IL32: variants seen among roughly 807,000 people sequenced by gnomAD.
IL32 encodes the protein interleukin-32.
A neutral mutation model predicts 16.6 loss-of-function variants in IL32; 30 were observed. The ratio of observed to expected loss-of-function variants is 1.81; its 90% CI spans 1.35 to 2.45. The LOEUF (loss-of-function observed/expected upper bound fraction) is 2.45. Ranked by LOEUF, IL32 falls within the 30% of genes most tolerant of loss-of-function variation. IL32 has a pLI of 0.00. For synonymous variants in IL32, 70 were observed against 86.1 expected (o/e 0.81, Z 1.03); for missense variants, 234 against 229.8 (o/e 1.02, Z -0.12).
upstream of IL32, chr16:3,065,549 C>T: frequency 1.7e-6 from 1 of 591,900 alleles, no homozygotes; most frequent in South Asian, 2.0e-5. Context: ...GTCTGTTTTT[C>T]ACGCACTCAG....
chr16:3,067,774 TG>T (rs1956560990), intron 4 of IL32, 161 bp downstream of exon 4: 3 of 807,824 alleles, frequency 3.7e-6, no homozygotes, highest in African/African-American at 1.7e-5. Flanking sequence ...AGTGGGCGGG[TG>T]GGGGATCTGG....
intron 2 of IL32, 84 bp from the exon 3 acceptor site, chr16:3,067,271 CTGTGTGTGTGTGTGTGTGTGTG>C (rs60859102): frequency 6.6e-5 from 40 of 603,656 alleles, no homozygotes; most frequent in Middle Eastern, 4.3e-4. Flanking sequence ...CCATGTGTCT[CTGTGTGTGTGTGTGTGTGTGTG>C]TGTGTGTGTG....
chr16:3,068,586 C>T (rs557854873), intron 6 of IL32: 24 of 411,020 alleles, frequency 5.8e-5, no homozygotes, highest in Non-Finnish European at 1.0e-4. Flanking sequence ...GCTGAGATTA[C>T]AGGCATGAGC....
chr16:3,069,331 C>A lies in IL32; in HGVS notation c.543C>A (p.Cys181Ter). 6.2e-7 allele frequency: 1 copy of A among 1,602,508 alleles called. No homozygotes were observed. The highest frequency in any genetic ancestry group is 8.5e-7 in the Non-Finnish European group (1 of 1,174,298). Residue 181 changes from cysteine to a stop codon, truncating the protein, a stop_gained, in exon 7 of 7, where the codon TGC (cysteine) becomes TGA (stop). Coordinates refer to ENST00000525643, the MANE Select transcript of IL32 (RefSeq NM_001376923.1). LOFTEE classifies it high-confidence loss of function. The part of the protein sequence containing the change: ...GDKEELTPQK[C>*]SEPQSSK ...AGGAGGAGCTGACACCCCAGAAGTG[C>A]TCTGAACCCCAATCCTCAAAATGAA... is the stretch of plus-strand genomic sequence containing the variant.
In IL32 at chr16:3,065,673, G is replaced by A; in HGVS notation, c.-43G>A. 1.2e-6 allele frequency: 1 copy of A among 847,794 alleles called. No individual in the cohort carries two copies. The highest frequency in any genetic ancestry group is 2.1e-6 in the Non-Finnish European group (1 of 486,740). The allele number at this position is 847,794 out of a possible 1,614,324, so 52.5% of individuals were successfully genotyped here. A position where few individuals can be genotyped will look rare whatever the true frequency, so the allele number is the denominator to read the frequency against. ...TGCAGAAGGTGACTGTCTCAGTGGA[G>A]CTGGGTCATCTCAGGTGGGGAGTTG... On this transcript the variant is annotated 5_prime_UTR_variant, in exon 1 of 7. Transcript: ENST00000525643.
chr16:3,068,040 T>A (rs749393594), intron 5 of IL32, 30 bp downstream of exon 5: 2 of 1,613,744 alleles, frequency 1.2e-6, no homozygotes, highest in South Asian at 2.2e-5. Flanking sequence ...TCCACCAAGC[T>A]TAGTCCCTGG....
In IL32 at chr16:3,069,302, G is replaced by A. The variant is rs141220342; in HGVS notation, c.514G>A (p.Asp172Asn). The A allele has an allele frequency of 3.6e-5, 58 of 1,613,748 alleles. No individual in the cohort carries two copies. Among genetic ancestry groups the A allele is most frequent in the Non-Finnish European group, 4.5e-5 (53 of 1,179,910 alleles). ...CCAGTCCTACGGAGCCCCACGGGGG[G>A]ACAAGGAGGAGCTGACACCCCAGAA... ...SFQSYGAPRG[D>N]KEELTPQKCS... Residue 172 changes from aspartate (D) to asparagine (N), a missense_variant, in exon 7 of 7, where the codon GAC becomes AAC. Physicochemically the swap from Asp to Asn is conservative, Grantham distance 23 (BLOSUM62 1). Coordinates refer to ENST00000525643, the MANE Select transcript of IL32 (RefSeq NM_001376923.1).
Position 3,068,020 on chromosome 16 carries a change from G to C in IL32, c.141+10G>C. 6.2e-7 allele frequency: 1 copy of C among 1,613,824 alleles called. No homozygotes were observed. The highest frequency in any genetic ancestry group is 8.5e-7 in the Non-Finnish European group (1 of 1,179,768). On this transcript the variant is annotated intron_variant, in intron 5 of 6. Coordinates refer to ENST00000525643, the MANE Select transcript of IL32 (RefSeq NM_001376923.1). ...CCTGGCAGAGCTGGAGGTGAGCCGT[G>C]GCCTCCCCCTCCACCAAGCTTAGTC...
rs770405203 is a variant in IL32, at chr16:3,065,824, A to G, written c.13A>G (p.Lys5Glu). 7.4e-6 allele frequency: 12 copies of G among 1,614,000 alleles called. 1 individual carries two copies. In the South Asian group the frequency reaches 1.3e-4, roughly 18 times the overall value. Residue 5 changes from lysine to glutamate, a missense_variant and splice_region_variant, in exon 2 of 7, where the codon AAG (lysine) becomes GAG (glutamate). By Grantham distance (56) the Lys-to-Glu change is moderately conservative (BLOSUM62 1). Transcript: ENST00000525643. ...ACTTTTGGCCGCCATGTGCTTCCCG[A>G]AGGTGAGTGAGAGGCTGCGTGTGCT... is the stretch of plus-strand genomic sequence containing the variant. MCFP[K>E]VLSDDMKKLK...
In IL32 at chr16:3,067,305, G is replaced by GTGTGTGTGTGTC. The variant is rs1234019073; in HGVS notation, c.16-67_16-66insGTGTGTCTGTGT. 4.2e-6 allele frequency: 3 copies of GTGTGTGTGTGTC among 722,204 alleles called. No homozygotes were observed. In the African/African-American group the frequency reaches 5.7e-5, roughly 14 times the overall value. The allele number at this position is 722,204 out of a possible 1,614,324, so 44.7% of individuals were successfully genotyped here. ...TGTGTGTGTGTGTGTGTGTGTGTGT[G>GTGTGTGTGTGTC]TGTGTATAAATTATCCTGGAGGAAA... On this transcript the variant is annotated intron_variant, in intron 2 of 6. Coordinates refer to ENST00000525643, the MANE Select transcript of IL32 (RefSeq NM_001376923.1).
At chr16:3,068,310 C>G in intron 6 of IL32, 71 bp downstream of exon 6, 1 of 1,381,418 alleles carries the variant, frequency 7.2e-7, no homozygotes, top group East Asian at 2.5e-5. Context: ...TTCTTTCTTT[C>G]TTTTTGTTTA....
In IL32 at chr16:3,067,289, G is replaced by GTGTGTGTGTCTC. The variant is rs796776821; in HGVS notation, c.16-79_16-78insCTCTGTGTGTGT. On this transcript the variant is annotated intron_variant, in intron 2 of 6. Coordinates refer to ENST00000525643, the MANE Select transcript of IL32 (RefSeq NM_001376923.1). ...TGTGTCTCTGTGTGTGTGTGTGTGT[G>GTGTGTGTGTCTC]TGTGTGTGTGTGTGTGTGTGTATAA... is the stretch of plus-strand genomic sequence containing the variant. 991 of 559,142 alleles carry GTGTGTGTGTCTC rather than the reference G, an allele frequency of 1.8e-3. 4 individuals carry two copies. The East Asian group carries it at 0.023, about 13-fold the overall frequency. 34.6% of individuals were successfully genotyped at this position (559,142 alleles called of 1,614,324 possible). A position where few individuals can be genotyped will look rare whatever the true frequency, so the allele number is the denominator to read the frequency against.
At chr16:3,067,666 T>G (rs541927223) in intron 4 of IL32, 53 bp downstream of exon 4, 20 of 1,346,792 alleles carry the variant, frequency 1.5e-5, no homozygotes, top group Non-Finnish European at 2.0e-5. Flanking sequence ...CCCCAGGCAC[T>G]CCACCCTGTG....
rs1956477853 is a variant in IL32 at position 3,067,289 on chromosome 16, G to GTGTGTGTGTGTGTGTGTGTGTGTGTCTC, written c.16-67_16-66insGTGTCTCTGTGTGTGTGTGTGTGTGTGT. On this transcript the variant is annotated intron_variant, in intron 2 of 6. Coordinates refer to ENST00000525643, the MANE Select transcript of IL32 (RefSeq NM_001376923.1). ...TGTGTCTCTGTGTGTGTGTGTGTGT[G>GTGTGTGTGTGTGTGTGTGTGTGTGTCTC]TGTGTGTGTGTGTGTGTGTGTATAA... 4 of 559,188 alleles carry GTGTGTGTGTGTGTGTGTGTGTGTGTCTC rather than the reference G, an allele frequency of 7.2e-6. No homozygotes were observed. In the East Asian group the frequency reaches 1.2e-4, roughly 17 times the overall value. The allele number at this position is 559,188 out of a possible 1,614,324, so 34.6% of individuals were successfully genotyped here.
Position 3,065,842 on chromosome 16 carries a change from C to T in IL32, c.15+16C>T, listed in dbSNP as rs73490422. 1.4e-3 allele frequency: 2,180 copies of T among 1,614,008 alleles called. 11 individuals are homozygous for T. Among genetic ancestry groups the T allele is most frequent in the African/African-American group, 0.012 (882 of 75,030 alleles). On this transcript the variant is annotated intron_variant, in intron 2 of 6. Coordinates refer to ENST00000525643, the MANE Select transcript of IL32 (RefSeq NM_001376923.1). ...CTTCCCGAAGGTGAGTGAGAGGCTGCGTGTGCTTTTGTGGGCATGTCTGAA... is the reference window on the plus strand; with the variant it reads ...CTTCCCGAAGGTGAGTGAGAGGCTGTGTGTGCTTTTGTGGGCATGTCTGAA...
chr16:3,068,789 C>A, intron 6 of IL32: 1 of 803,656 alleles, frequency 1.2e-6, no homozygotes, highest in Admixed American at 3.0e-5. Context: ...ACACACCCAT[C>A]CTGTCACTGC....
At chr16:3,068,487 G>C (rs1596262507) in intron 6 of IL32, 3 of 517,542 alleles carry the variant, frequency 5.8e-6, no homozygotes, top group East Asian at 7.0e-5. Flanking sequence ...TTTTGTGTGT[G>C]TTTTTAGTAG....
chr16:3,066,840 C>T (rs1285765027), intron 2 of IL32, among the ~76,000 whole-genome samples: 1 of 152,002 alleles, frequency 6.6e-6, no homozygotes, highest in East Asian at 1.9e-4. Flanking sequence ...CTGAGCCAGC[C>T]TGCTCCAGGA....
intron 4 of IL32, 164 bp downstream of exon 4, chr16:3,067,777 G>A (rs1207184261): frequency 4.9e-6 from 4 of 812,422 alleles, no homozygotes; most frequent in South Asian, 3.1e-5. Context: ...GGGCGGGTGG[G>A]GGATCTGGAC....
Sources: allele counts gnomAD v4.1 joint callset (sites outside exome capture counted in the v4.1 genomes callset), GRCh38; gene constraint gnomAD v4.1.1; transcripts MANE v1.5; gene names NCBI Gene and HGNC (gene_info 2026-07-23, HGNC 2026-07-21).